The following LPP variants were observed in gnomAD, a reference collection of about 807,000 sequenced individuals.
LPP encodes LIM domain containing preferred translocation partner in lipoma, also known as lipoma-preferred partner.
In LPP, 38 loss-of-function variants were observed where a neutral mutation model predicts 60.4. The ratio of observed to expected loss-of-function variants is 0.63; its 90% CI spans 0.49 to 0.83. The LOEUF (loss-of-function observed/expected upper bound fraction) is 0.83. Among genes scored for constraint, LPP ranks in the 40% least tolerant of loss-of-function variants. LPP has a pLI of 0.00. For missense variants in LPP, 902 were observed against 783.6 expected (o/e 1.15, Z -1.80); for synonymous variants, 328 against 290.8 (o/e 1.13, Z -1.30).
intron 2 of LPP, among the ~76,000 whole-genome samples, chr3:188,240,560 T>A (rs1724031141): frequency 6.6e-6 from 1 of 152,278 alleles, no homozygotes; most frequent in South Asian, 2.1e-4. Flanking sequence ...AGTTGAGAGC[T>A]TTATTCAAAC....
At chr3:188,665,637 T>C (rs1560032889) in intron 7 of LPP, among the ~76,000 whole-genome samples, 1 of 151,910 alleles carries the variant, frequency 6.6e-6, no homozygotes, top group Non-Finnish European at 1.5e-5. Flanking sequence ...TTTTTGTATT[T>C]TTTTTAGTAG....
At position 188,421,029 on chromosome 3, in the gene LPP, C is replaced by A. The variant is rs546840447; in HGVS notation, c.193+14716C>A. On this transcript the variant is annotated intron_variant, in intron 4 of 11. Transcript: ENST00000617246. ...CTGAATTAGATGGTACCCCCTCACC[C>A]CCCATTTTACTGTTGAAGAGAGGGA... Among the ~76,000 whole-genome samples, 9 of 152,204 alleles carry A rather than the reference C, an allele frequency of 5.9e-5. No individual in the cohort carries two copies. The South Asian group carries it at 1.7e-3, about 28-fold the overall frequency.
intron 7 of LPP, among the ~76,000 whole-genome samples, chr3:188,644,030 T>C (rs1317400953): frequency 6.6e-6 from 1 of 152,196 alleles, no homozygotes; most frequent in Admixed American, 6.5e-5. Flanking sequence ...GTTTTAGTAC[T>C]GGGAAAGAAA....
intron 9 of LPP, among the ~76,000 whole-genome samples, chr3:188,770,976 TG>T (rs1735764828): frequency 6.6e-6 from 1 of 152,232 alleles, no homozygotes. Context: ...GATTGTCCCA[TG>T]CAGGCAATGA....
chr3:188,670,849 A>T (rs1223502676), intron 7 of LPP, among the ~76,000 whole-genome samples: 2 of 152,148 alleles, frequency 1.3e-5, no homozygotes, highest in Non-Finnish European at 2.9e-5. Flanking sequence ...CAGGCTTTAT[A>T]TTTGGAGCGC....
chr3:188,611,780 C>T (rs1843762236), intron 7 of LPP, among the ~76,000 whole-genome samples: 1 of 152,208 alleles, frequency 6.6e-6, no homozygotes, highest in African/African-American at 2.4e-5. Flanking sequence ...AGCTAGTCTT[C>T]AGATGTTGTT....
At position 188,822,777 on chromosome 3, in the gene LPP, C is replaced by T. The variant is rs561152230; in HGVS notation, c.1411-43423C>T. ...AGAAGCAGGCACAATCACAGCTTTC[C>T]CTTCTGGTGATCTGCTTTATGATAC... On this transcript the variant is annotated intron_variant, in intron 9 of 11. Transcript: ENST00000617246. Among the ~76,000 whole-genome samples, 79 of 152,226 alleles carry T rather than the reference C, an allele frequency of 5.2e-4. 1 individual carries two copies. The Middle Eastern group carries it at 0.01, about 20-fold the overall frequency.
At chr3:188,757,895 T>TGTTTTTTTG (rs1223654989) in intron 8 of LPP, among the ~76,000 whole-genome samples, 17 of 144,110 alleles carry the variant, frequency 1.2e-4, no homozygotes, top group South Asian at 4.3e-4. Context: ...TTTGGTTTTT[T>TGTTTTTTTG]TTTTTTTTTT....
intron 6 of LPP, chr3:188,584,253 TG>T (rs1836905197): frequency 6.6e-6 from 1 of 152,180 alleles, no homozygotes; most frequent in African/African-American, 2.4e-5. Flanking sequence ...TAAAAGGAAA[TG>T]TGGCCCTTTT....
rs1268002703 is a variant in LPP at position 188,407,780 on chromosome 3, G to GTTTTT, written c.193+1470_193+1471insTTTTT. ...TTCCTCATTTATGGTTTTTTTTTTT[G>GTTTTT]TTTGTTTGTTTTTTTTTTTTTTTTT... On this transcript the variant is annotated intron_variant, in intron 4 of 11. Coordinates refer to ENST00000617246, the MANE Select transcript of LPP (RefSeq NM_001375462.1). Among the ~76,000 whole-genome samples the GTTTTT allele has an allele frequency of 2.5e-4, 24 of 94,922 alleles. 1 individual carries two copies. Among genetic ancestry groups the GTTTTT allele is most frequent in the African/African-American group, 3.8e-4 (9 of 23,730 alleles). 62.3% of individuals were successfully genotyped at this position (94,922 alleles called of 152,430 possible). A position where few individuals can be genotyped will look rare whatever the true frequency, so the allele number is the denominator to read the frequency against.
chr3:188,730,454 A>G (rs1045870012), intron 8 of LPP, among the ~76,000 whole-genome samples: 4 of 152,328 alleles, frequency 2.6e-5, no homozygotes, highest in Admixed American at 2.6e-4. Flanking sequence ...GAATTATCCC[A>G]AGGTTGGAGA....
chr3:188,727,316 A>G (rs995099782), intron 8 of LPP, among the ~76,000 whole-genome samples: 2 of 152,210 alleles, frequency 1.3e-5, no homozygotes, highest in Non-Finnish European at 2.9e-5. Flanking sequence ...AATGTTCAGC[A>G]GTACTGAGAG....
chr3:188,495,752 A>G (rs112741568), intron 5 of LPP, among the ~76,000 whole-genome samples: 8,015 of 152,196 alleles, frequency 0.053, 295 homozygotes, highest in Middle Eastern at 0.15. Flanking sequence ...TGGGCCCACA[A>G]ATCTTTCGGT....
intron 5 of LPP, among the ~76,000 whole-genome samples, chr3:188,490,923 T>G (rs1004409015): frequency 6.6e-6 from 1 of 151,542 alleles, no homozygotes; most frequent in Non-Finnish European, 1.5e-5. Flanking sequence ...CCTGGCTAAT[T>G]TTTTTAGTTT....
rs181990654 is a variant in LPP at position 188,569,768 on chromosome 3, A to C, written c.430-39393A>C. Among the ~76,000 whole-genome samples the C allele has an allele frequency of 1.4e-4, 22 of 152,176 alleles. No individual in the cohort carries two copies. The East Asian group carries it at 4.3e-3, about 29-fold the overall frequency. On this transcript the variant is annotated intron_variant, in intron 6 of 11. Transcript: ENST00000617246. Reference sequence around the variant, plus strand: ...GCCTAAATGTATGAATTGGCCACTAAAGGCACAACTGAAAATACTAACAGT... The same window carrying C: ...GCCTAAATGTATGAATTGGCCACTACAGGCACAACTGAAAATACTAACAGT...
At chr3:188,735,544 G>A (rs1257378352) in intron 8 of LPP, among the ~76,000 whole-genome samples, 1 of 151,742 alleles carries the variant, frequency 6.6e-6, no homozygotes, top group Non-Finnish European at 1.5e-5. Flanking sequence ...ACCGTGCCCG[G>A]CTAATTTTTT....
At chr3:188,356,705 A>T (rs572801559) in intron 3 of LPP, among the ~76,000 whole-genome samples, 1 of 152,196 alleles carries the variant, frequency 6.6e-6, no homozygotes, top group African/African-American at 2.4e-5. Context: ...GTGGAAAAAG[A>T]TTCTCCATCC....
rs550979227 is a variant in LPP at position 188,422,445 on chromosome 3, C to A, written c.193+16132C>A. ...TCTTTGCTAGAACTGTGTTCAATAC[C>A]CAAAGACACAGCTTTTTCTTTGATA... On this transcript the variant is annotated intron_variant, in intron 4 of 11. Transcript: ENST00000617246. Among the ~76,000 whole-genome samples, 3 of 152,136 alleles carry A rather than the reference C, an allele frequency of 2.0e-5. No homozygotes were observed. The South Asian group carries it at 6.2e-4, about 32-fold the overall frequency.
chr3:188,241,040 A>C (rs1724483994), intron 2 of LPP, among the ~76,000 whole-genome samples: 1 of 152,316 alleles, frequency 6.6e-6, no homozygotes, highest in Admixed American at 6.5e-5. Context: ...AGAGGTAGCA[A>C]GACAGTGAGA....
Sources: gnomAD v4.1 joint callset for allele counts (sites outside exome capture counted in the v4.1 genomes callset) on GRCh38, gnomAD v4.1.1 for gene constraint, MANE v1.5 for transcripts, NCBI Gene and HGNC (gene_info 2026-07-23, HGNC 2026-07-21) for gene names.